The following SACM1L variants were observed in gnomAD, a reference collection of about 807,000 sequenced individuals.
SACM1L encodes SAC1 like phosphatidylinositide phosphatase.
A neutral mutation model predicts 89.5 loss-of-function variants in SACM1L; 32 were observed. The observed-to-expected ratio is 0.36, with a 90% CI of 0.27 to 0.48. The LOEUF is 0.48. SACM1L is among the 20% of genes least tolerant of loss of function. The pLI, the probability that SACM1L is intolerant of heterozygous loss-of-function variation, is 0.99. For synonymous variants in SACM1L, 213 were observed against 232.8 expected, an observed-to-expected ratio of 0.92 and a Z score of 0.77; for missense variants, 543 against 708.5, an observed-to-expected ratio of 0.77 and a Z score of 2.65.
chr3:45,707,644 G>A (rs770741898), intron 4 of SACM1L, among the ~76,000 whole-genome samples: 2 of 152,202 alleles, frequency 1.3e-5, no homozygotes, highest in Non-Finnish European at 2.9e-5. Context: ...CGAACTGACC[G>A]ACATTAATGA....
chr3:45,696,791 T>TA (rs1405118647), intron 1 of SACM1L, among the ~76,000 whole-genome samples: 1 of 152,202 alleles, frequency 6.6e-6, no homozygotes, highest in Non-Finnish European at 1.5e-5. Context: ...ACGTGAATGT[T>TA]ACATGAGAGA....
At chr3:45,705,034 A>C in intron 2 of SACM1L, 101 bp from the exon 3 acceptor site, 1 of 698,384 alleles carries the variant, frequency 1.4e-6, no homozygotes, top group African/African-American at 1.8e-5. Context: ...CAAATCATGC[A>C]AATTGATGTA....
rs748333883 is a variant in SACM1L, at chr3:45,735,367, A to G, written c.1233A>G (p.Gln411=). Residue 411 remains glutamine (Q), a synonymous_variant, in exon 14 of 20, where the codon CAA becomes CAG. Transcript: ENST00000389061. The part of the protein sequence containing the change: ...SLLARRSLQA[Q]LQRLGVLHVG... The stretch of plus-strand genomic sequence containing the variant: ...TAGCTCGTCGTTCACTTCAGGCCCA[A>G]CTTCAGGTGCGAATGCTTTTTTTTT... The G allele has an allele frequency of 8.6e-6, 13 of 1,514,786 alleles. No individual in the cohort carries two copies. The South Asian group carries it at 1.4e-4, about 16-fold the overall frequency. 93.8% of individuals were successfully genotyped at this position (1,514,786 alleles called of 1,614,324 possible).
chr3:45,701,933 C>A (rs770513135), intron 1 of SACM1L, among the ~76,000 whole-genome samples: 1 of 152,132 alleles, frequency 6.6e-6, no homozygotes, highest in Non-Finnish European at 1.5e-5. Context: ...ACCAAAGTTA[C>A]CAAATAGCCA....
chr3:45,709,553 G>C lies in SACM1L; in HGVS notation c.389G>C (p.Gly130Ala). The C allele has an allele frequency of 6.2e-7, 1 of 1,613,746 alleles. No homozygotes were observed. Among genetic ancestry groups the C allele is most frequent in the Non-Finnish European group, 8.5e-7 (1 of 1,179,770 alleles). ...AMLNHVLNVD[G>A]FYFSTTYDLT... is the part of the protein sequence containing the mutation. ...CTAAACCATGTCTTGAATGTGGATGGATTTTACTTTTCAACAACATATGAT... is the reference window on the plus strand; with the variant it reads ...CTAAACCATGTCTTGAATGTGGATGCATTTTACTTTTCAACAACATATGAT... The change falls in exon 5 of 20, where the codon GGA becomes GCA. Residue 130 changes from glycine to alanine, a missense_variant. Transcript: ENST00000389061.
chr3:45,714,116 G>A (rs1447600507), intron 7 of SACM1L, 37 bp downstream of exon 7: 3 of 1,380,272 alleles, frequency 2.2e-6, no homozygotes, highest in Admixed American at 2.0e-5. Context: ...GTTTCTAGAT[G>A]CCTTTATTTA....
chr3:45,727,547 T>G (rs993870600), intron 11 of SACM1L, among the ~76,000 whole-genome samples: 3 of 152,206 alleles, frequency 2.0e-5, no homozygotes, highest in Admixed American at 2.0e-4. Context: ...CTCTATTTTC[T>G]TATTCATCTC....
intron 1 of SACM1L, among the ~76,000 whole-genome samples, chr3:45,697,268 C>CTTTTTTTTT (rs1559535250): frequency 6.3e-5 from 7 of 110,612 alleles, no homozygotes; most frequent in African/African-American, 2.5e-4. Context: ...CTTTTCTTTT[C>CTTTTTTTTT]CTTTTTTTTT....
intron 11 of SACM1L, among the ~76,000 whole-genome samples, chr3:45,727,465 T>TA (rs1332008238): frequency 1.3e-5 from 2 of 152,188 alleles, no homozygotes; most frequent in African/African-American, 4.8e-5. Context: ...TGTGTACTTG[T>TA]AAAAAAATGT....
At chr3:45,739,481 C>A in intron 18 of SACM1L, 106 bp from the exon 19 acceptor site, 2 of 954,510 alleles carry the variant, frequency 2.1e-6, no homozygotes, top group Non-Finnish European at 3.4e-6. Flanking sequence ...TGTGTATTAG[C>A]TGACAGATGA....
chr3:45,712,573 C>T (rs1698553980), intron 5 of SACM1L, among the ~76,000 whole-genome samples: 1 of 152,098 alleles, frequency 6.6e-6, no homozygotes, highest in Admixed American at 6.5e-5. Flanking sequence ...GTTGAGGGAG[C>T]CTCTTCTGTA....
At chr3:45,739,538 C>T (rs756267350) in intron 18 of SACM1L, 49 bp from the exon 19 acceptor site, 8 of 1,560,142 alleles carry the variant, frequency 5.1e-6, no homozygotes, top group Non-Finnish European at 7.1e-6. Flanking sequence ...ATTTTGCTGC[C>T]ATTGATTAGC....
chr3:45,744,109 CAT>C lies in SACM1L; in HGVS notation c.*441_*442del, dbSNP rs955216892. 1 of 153,352 alleles carries C rather than the reference CAT, an allele frequency of 6.5e-6. No individual in the cohort carries two copies. The highest frequency in any genetic ancestry group is 1.5e-5 in the Non-Finnish European group (1 of 68,822). 9.5% of individuals were successfully genotyped at this position (153,352 alleles called of 1,614,324 possible). A position where few individuals can be genotyped will look rare whatever the true frequency, so the allele number is the denominator to read the frequency against. On this transcript the variant is annotated 3_prime_UTR_variant, in exon 20 of 20. Transcript: ENST00000389061. ...CTATTAGCAGGCATACTTTTCCACA[CAT>C]CTTTGGACTTTTCTTAAAAGTTCAG...
At chr3:45,728,508 T>C (rs181391346) in intron 11 of SACM1L, among the ~76,000 whole-genome samples, 89 of 152,330 alleles carry the variant, frequency 5.8e-4, no homozygotes, top group Non-Finnish European at 2.1e-4. Context: ...CCTAATGTTA[T>C]AAGTATCTAA....
intron 11 of SACM1L, 66 bp downstream of exon 11, chr3:45,723,609 A>G: frequency 1.3e-6 from 1 of 787,146 alleles, no homozygotes; most frequent in Non-Finnish European, 1.9e-6. Flanking sequence ...AAAATTTACT[A>G]TTTTAACCAT....
chr3:45,703,678 T>C (rs1303127179), intron 2 of SACM1L, 143 bp downstream of exon 2: 2 of 500,896 alleles, frequency 4.0e-6, no homozygotes, highest in Non-Finnish European at 7.1e-6. Context: ...GCTACCTCAT[T>C]CATAGGTTGG....
rs551351029 is a variant in SACM1L at position 45,726,478 on chromosome 3, G to C, written c.921+2935G>C. On this transcript the variant is annotated intron_variant, in intron 11 of 19. Transcript: ENST00000389061. ...ATATGTCTAGGAATTTGCCAATCTG[G>C]GTTATCCTACTTGTTGGCATACAGT... Among the ~76,000 whole-genome samples the C allele has an allele frequency of 3.3e-5, 5 of 151,938 alleles. No individual in the cohort carries two copies. The South Asian group carries it at 1.0e-3, about 32-fold the overall frequency.
At chr3:45,728,595 A>C (rs2673067) in intron 11 of SACM1L, among the ~76,000 whole-genome samples, 58,118 of 152,038 alleles carry the variant, frequency 0.38, 13,407 homozygotes, top group Middle Eastern at 0.53. Context: ...TTGACATTTC[A>C]AATTCCATCT....
chr3:45,699,768 C>T (rs74974183), intron 1 of SACM1L, among the ~76,000 whole-genome samples: 2,073 of 152,192 alleles, frequency 0.014, 48 homozygotes, highest in African/African-American at 0.046. Context: ...ACGATCTGCC[C>T]GCTTCCACCT....
Sources: gnomAD v4.1 joint callset for allele counts (sites outside exome capture counted in the v4.1 genomes callset) on GRCh38, gnomAD v4.1.1 for gene constraint, MANE v1.5 for transcripts, NCBI Gene and HGNC (gene_info 2026-07-23, HGNC 2026-07-21) for gene names.